The following RABGAP1 variants were observed in gnomAD, a reference collection of about 807,000 sequenced individuals.
RABGAP1 encodes the protein rab GTPase-activating protein 1.
In RABGAP1, 23 loss-of-function variants were observed where a neutral mutation model predicts 137.6. That is an observed-to-expected ratio of 0.17 (90% CI 0.12 to 0.24). The LOEUF (loss-of-function observed/expected upper bound fraction) is 0.24, where lower values mean the gene tolerates loss of function less well. Among genes scored for constraint, RABGAP1 ranks in the 10% least tolerant of loss-of-function variants. The probability of loss-of-function intolerance (pLI) is 1.00; values close to 1 mark genes in which losing one functional copy is unlikely to be tolerated. For missense variants in RABGAP1, 906 were observed against 1,275.8 expected, an observed-to-expected ratio of 0.71 and a Z score of 4.42; for synonymous variants, 451 against 450.7, an observed-to-expected ratio of 1.00 and a Z score of -0.01.
In RABGAP1 at chr9:123,051,188, G is replaced by A. The variant is rs1191076368; in HGVS notation, c.1795-14160G>A. Among the ~76,000 whole-genome samples the A allele has an allele frequency of 3.6e-5, 4 of 111,414 alleles. No homozygotes were observed. In the East Asian group the frequency reaches 7.4e-4, roughly 21 times the overall value. 73.1% of individuals were successfully genotyped at this position (111,414 alleles called of 152,430 possible). A position where few individuals can be genotyped will look rare whatever the true frequency, so the allele number is the denominator to read the frequency against. ...AGCGACTGTGCCTTTTCTTTGAGGAGCCACATGTTGTGATTTTATTCACCT... is the reference window on the plus strand; with the variant it reads ...AGCGACTGTGCCTTTTCTTTGAGGAACCACATGTTGTGATTTTATTCACCT... On this transcript the variant is annotated intron_variant, in intron 13 of 25. Coordinates refer to ENST00000373647, the MANE Select transcript of RABGAP1 (RefSeq NM_012197.4).
upstream of RABGAP1, among the ~76,000 whole-genome samples, chr9:122,936,044 T>A (rs1833383620): frequency 2.0e-5 from 3 of 152,180 alleles, no homozygotes; most frequent in Admixed American, 1.3e-4. Context: ...GTTGCTCATC[T>A]CTGGCTGCTT....
Position 122,984,607 on chromosome 9 carries a change from A to G in RABGAP1, c.273A>G (p.Glu91=). 2 of 1,614,198 alleles carry G rather than the reference A, an allele frequency of 1.2e-6. No individual in the cohort carries two copies. Among genetic ancestry groups the G allele is most frequent in the South Asian group, 2.2e-5 (2 of 91,078 alleles). ...TGAAAAGGTCACAACTGGATGGTGA[A>G]GGAGATGGGCCTCTTTCTAATCAGC... ...ELVKRSQLDG[E]GDGPLSNQLS... The change falls in exon 3 of 26, where the codon GAA becomes GAG. Residue 91 remains glutamate (E), a synonymous_variant. Transcript: ENST00000373647.
intron 1 of RABGAP1, among the ~76,000 whole-genome samples, chr9:122,949,480 C>T (rs952320615): frequency 6.6e-6 from 1 of 151,830 alleles, no homozygotes; most frequent in Non-Finnish European, 1.5e-5. Flanking sequence ...TGCCATTGCA[C>T]TCCAACCTGG....
At chr9:122,984,778 C>G (rs201492116) in intron 3 of RABGAP1, 59 bp downstream of exon 3, 1 of 1,444,400 alleles carries the variant, frequency 6.9e-7, no homozygotes, top group Non-Finnish European at 9.6e-7. Flanking sequence ...ATGTGAGTGT[C>G]CACCCTGTAC....
At chr9:123,066,891 G>A (rs2034191555) in intron 14 of RABGAP1, among the ~76,000 whole-genome samples, 1 of 152,152 alleles carries the variant, frequency 6.6e-6, no homozygotes, top group African/African-American at 2.4e-5. Context: ...TAGTCTAACT[G>A]ATAAGTATAG....
chr9:123,078,479 A>G (rs2034592176), intron 19 of RABGAP1, among the ~76,000 whole-genome samples: 1 of 152,156 alleles, frequency 6.6e-6, no homozygotes, highest in South Asian at 2.1e-4. Flanking sequence ...GATGGCTACG[A>G]CTATAATTAT....
rs76590300 is a variant in RABGAP1, at chr9:123,094,549, T to G, written c.2629-3192T>G. ...AAACTCCAGTTGGGGTTTCTATTTT[T>G]TATTAAAGATTTTAATTCTTATTAA... On this transcript the variant is annotated intron_variant, in intron 21 of 25. Transcript: ENST00000373647. Among the ~76,000 whole-genome samples the G allele has an allele frequency of 8.8e-3, 1,342 of 152,304 alleles. 14 individuals carry two copies. Among genetic ancestry groups the G allele is most frequent in the African/African-American group, 0.03 (1,267 of 41,570 alleles).
chr9:123,076,649 C>T lies in RABGAP1; in HGVS notation c.2311C>T (p.Leu771=), dbSNP rs773388797. 1 of 1,597,532 alleles carries T rather than the reference C, an allele frequency of 6.3e-7. No individual in the cohort carries two copies. Among genetic ancestry groups the T allele is most frequent in the South Asian group, 1.1e-5 (1 of 87,976 alleles). ...TTTCTTCAAGACTTCGAAAGATGAC[C>T]TGCTGTTGACAGACTTTGAAGGTGC... ...LGLLKTSKDD[L]LLTDFEGALK... The change falls in exon 19 of 26, where the codon CTG becomes TTG. Residue 771 remains leucine (L), a synonymous_variant. Transcript: ENST00000373647.
intron 11 of RABGAP1, 114 bp downstream of exon 11, chr9:123,010,642 T>TTATAAA: frequency 9.5e-7 from 1 of 1,053,540 alleles, no homozygotes; most frequent in African/African-American, 1.6e-5. Flanking sequence ...ATTTAATGAA[T>TTATAAA]TCCTTATGAG....
chr9:123,028,154 G>T (rs1425320710), intron 13 of RABGAP1, among the ~76,000 whole-genome samples: 2 of 152,216 alleles, frequency 1.3e-5, no homozygotes, highest in Non-Finnish European at 2.9e-5. Flanking sequence ...TTATAGGTGA[G>T]TTAAACAGTT....
chr9:123,101,530 C>T (rs1564195406), intron 24 of RABGAP1, 36 bp from the exon 25 acceptor site: 3 of 1,592,408 alleles, frequency 1.9e-6, no homozygotes, highest in Non-Finnish European at 2.6e-6. Context: ...GCCAGTTCCT[C>T]TTCTTTGCCT....
intron 2 of RABGAP1, among the ~76,000 whole-genome samples, chr9:122,962,955 TAAAAC>T (rs963070335): frequency 6.6e-6 from 1 of 152,170 alleles, no homozygotes; most frequent in Non-Finnish European, 1.5e-5. Flanking sequence ...AAATAGACTT[TAAAAC>T]AAAAAACTTT....
chr9:123,007,292 CT>C (rs995740675), intron 10 of RABGAP1, among the ~76,000 whole-genome samples: 13 of 149,920 alleles, frequency 8.7e-5, no homozygotes, highest in African/African-American at 2.9e-4. Context: ...CCAGGCTAGT[CT>C]TGAACTCCTG....
intron 13 of RABGAP1, among the ~76,000 whole-genome samples, chr9:123,058,421 G>C (rs1258785398): frequency 6.6e-6 from 1 of 152,108 alleles, no homozygotes; most frequent in Non-Finnish European, 1.5e-5. Flanking sequence ...ATTAGCCATA[G>C]TTATTATCTG....
At chr9:123,051,091 A>G (rs2033433335) in intron 13 of RABGAP1, among the ~76,000 whole-genome samples, 1 of 151,392 alleles carries the variant, frequency 6.6e-6, no homozygotes, top group South Asian at 2.1e-4. Flanking sequence ...AACTCAGAAC[A>G]TTGAAAAGAA....
intron 14 of RABGAP1, among the ~76,000 whole-genome samples, chr9:123,067,255 G>A (rs2034206227): frequency 6.6e-6 from 1 of 152,194 alleles, no homozygotes; most frequent in Non-Finnish European, 1.5e-5. Context: ...GGTTGAGTTA[G>A]ATATGACTGA....
rs2035406300 is a variant in RABGAP1, at chr9:123,103,588, C to CATACAT, written c.*378_*379insCATATA. 4 of 44,946 alleles carry CATACAT rather than the reference C, an allele frequency of 8.9e-5. No homozygotes were observed. The highest frequency in any genetic ancestry group is 3.6e-4 in the Admixed American group (1 of 2,786). 2.8% of individuals were successfully genotyped at this position (44,946 alleles called of 1,614,324 possible). Reference sequence around the variant, plus strand: ...TTCTAAACCTTTTTTTTTTAATATACATATATATATATATATATATATATA... The same window carrying CATACAT: ...TTCTAAACCTTTTTTTTTTAATATACATACATATATATATATATATATATATATATA... On this transcript the variant is annotated 3_prime_UTR_variant, in exon 26 of 26. Transcript: ENST00000373647.
chr9:123,030,592 G>A (rs925414739), intron 13 of RABGAP1, among the ~76,000 whole-genome samples: 2 of 151,956 alleles, frequency 1.3e-5, no homozygotes, highest in Non-Finnish European at 2.9e-5. Flanking sequence ...AGGTATATAA[G>A]GATGTTTTGA....
chr9:122,983,328 A>C (rs1411643080), intron 2 of RABGAP1, among the ~76,000 whole-genome samples: 1 of 152,234 alleles, frequency 6.6e-6, no homozygotes, highest in Non-Finnish European at 1.5e-5. Context: ...AAATTCACAG[A>C]AACAGAAATT....
Sources: gnomAD v4.1 joint callset for allele counts (sites outside exome capture counted in the v4.1 genomes callset) on GRCh38, gnomAD v4.1.1 for gene constraint, MANE v1.5 for transcripts, NCBI Gene and HGNC (gene_info 2026-07-23, HGNC 2026-07-21) for gene names.